FSHR: variants seen among roughly 807,000 people sequenced by gnomAD.
FSHR encodes follicle stimulating hormone receptor, also known as follicle-stimulating hormone receptor.
In FSHR, 46 loss-of-function variants were observed where a neutral mutation model predicts 52.1. The ratio of observed to expected loss-of-function variants is 0.88; its 90% CI spans 0.70 to 1.13. The LOEUF is 1.13. Among genes scored for constraint, FSHR ranks in the 50% most tolerant of loss-of-function variants. The pLI is 0.00. For synonymous variants in FSHR, 399 were observed against 309.6 expected (o/e 1.29, Z -3.03); for missense variants, 964 against 834.6 (o/e 1.16, Z -1.91).
chr2:49,030,294 G>C, intron 2 of FSHR, among the ~76,000 whole-genome samples: 1 of 113,086 alleles, frequency 8.8e-6, no homozygotes, highest in East Asian at 3.1e-4. Flanking sequence ...GTGTGTGTGT[G>C]TGTGTGTGTG....
intron 4 of FSHR, among the ~76,000 whole-genome samples, chr2:48,997,656 C>G (rs1231399245): frequency 6.6e-6 from 1 of 152,086 alleles, no homozygotes; most frequent in Non-Finnish European, 1.5e-5. Context: ...TTTAGGACAA[C>G]TTAGCCCCGT....
intron 8 of FSHR, among the ~76,000 whole-genome samples, chr2:48,974,554 GTTCAGTAAAGCAAATTT>G (rs1339381310): frequency 6.6e-6 from 1 of 152,212 alleles, no homozygotes; most frequent in Non-Finnish European, 1.5e-5. Context: ...GTCACTTAAA[GTTCAGTAAAGCAAATTT>G]TTAAGCAAAA....
intron 2 of FSHR, among the ~76,000 whole-genome samples, chr2:49,025,095 A>C (rs927949778): frequency 3.3e-5 from 5 of 152,210 alleles, no homozygotes; most frequent in African/African-American, 1.2e-4. Flanking sequence ...GTACAATAAA[A>C]CCGTGTTCCT....
intron 1 of FSHR, among the ~76,000 whole-genome samples, chr2:49,072,036 C>G (rs1669756528): frequency 6.6e-6 from 1 of 152,022 alleles, no homozygotes; most frequent in Non-Finnish European, 1.5e-5. Context: ...GGAAACCCCA[C>G]CAAGTCAATA....
intron 2 of FSHR, among the ~76,000 whole-genome samples, chr2:49,067,723 A>T (rs1191742596): frequency 6.6e-6 from 1 of 152,134 alleles, no homozygotes; most frequent in African/African-American, 2.4e-5. Context: ...CTCTTTTCAA[A>T]GGAAATCTTA....
At chr2:49,041,051 A>G (rs1668462543) in intron 2 of FSHR, among the ~76,000 whole-genome samples, 1 of 152,320 alleles carries the variant, frequency 6.6e-6, no homozygotes, top group Non-Finnish European at 1.5e-5. Flanking sequence ...TGCATTTGGA[A>G]TTATTTTCTC....
rs373801437 is a variant in FSHR, at chr2:49,035,212, G to A, written c.225-15052C>T. Among the ~76,000 whole-genome samples the A allele has an allele frequency of 1.4e-4, 21 of 152,332 alleles. No individual in the cohort carries two copies. The South Asian group carries it at 1.7e-3, about 12-fold the overall frequency. Reference sequence around the variant, plus strand: ...GAAGGCAAATCACTGATAATTACAGGAGAGGGACAGGGACAGAAATGTTAA... The same window carrying A: ...GAAGGCAAATCACTGATAATTACAGAAGAGGGACAGGGACAGAAATGTTAA... On this transcript the variant is annotated intron_variant, in intron 2 of 9. Coordinates refer to ENST00000406846, the MANE Select transcript of FSHR (RefSeq NM_000145.4).
intron 2 of FSHR, among the ~76,000 whole-genome samples, chr2:49,046,321 T>C (rs1034604423): frequency 3.3e-5 from 5 of 152,208 alleles, no homozygotes; most frequent in African/African-American, 1.2e-4. Context: ...CTACATCTTA[T>C]ATTATCTGGG....
intron 1 of FSHR, among the ~76,000 whole-genome samples, chr2:49,153,009 C>T (rs1673118013): frequency 1.3e-5 from 2 of 152,196 alleles, no homozygotes; most frequent in Admixed American, 6.5e-5. Flanking sequence ...ACAGTGTAGC[C>T]AAAACACAGA....
At chr2:49,013,501 A>T (rs7422758) in intron 4 of FSHR, among the ~76,000 whole-genome samples, 15 of 65,990 alleles carry the variant, frequency 2.3e-4, no homozygotes, top group South Asian at 1.3e-3. Flanking sequence ...TATATATATA[A>T]ATATATATAT....
chr2:48,993,413 G>T (rs78810765), intron 4 of FSHR, among the ~76,000 whole-genome samples: 1 of 151,946 alleles, frequency 6.6e-6, no homozygotes, highest in East Asian at 1.9e-4. Context: ...TCTTTCTCAC[G>T]TTCCGATATC....
At chr2:49,129,739 T>A (rs1672198797) in intron 1 of FSHR, among the ~76,000 whole-genome samples, 1 of 152,202 alleles carries the variant, frequency 6.6e-6, no homozygotes, top group Non-Finnish European at 1.5e-5. Context: ...TGAGATAATG[T>A]GTTATCTCAA....
chr2:49,025,372 A>G (rs959115534), intron 2 of FSHR, among the ~76,000 whole-genome samples: 3 of 152,180 alleles, frequency 2.0e-5, no homozygotes, highest in African/African-American at 7.2e-5. Context: ...AACTGGTGCT[A>G]TCTGTATTTG....
chr2:49,043,420 A>G (rs1414462675), intron 2 of FSHR, among the ~76,000 whole-genome samples: 2 of 152,228 alleles, frequency 1.3e-5, no homozygotes, highest in Non-Finnish European at 2.9e-5. Flanking sequence ...TTGACTATGT[A>G]ATTAGGCTGA....
intron 2 of FSHR, among the ~76,000 whole-genome samples, chr2:49,030,628 T>G (rs1668070371): frequency 6.6e-6 from 1 of 152,232 alleles, no homozygotes; most frequent in African/African-American, 2.4e-5. Context: ...ACTGATGGTC[T>G]TATTTTATCC....
chr2:48,968,607 T>C (rs1674585940), intron 9 of FSHR, 91 bp downstream of exon 9: 18 of 1,461,032 alleles, frequency 1.2e-5, no homozygotes, highest in Non-Finnish European at 1.5e-5. Context: ...TCTCTGCAAG[T>C]AGATTCTCTT....
rs193023976 is a variant in FSHR, at chr2:49,003,567, G to C, written c.375-12930C>G. On this transcript the variant is annotated intron_variant, in intron 4 of 9. Coordinates refer to ENST00000406846, the MANE Select transcript of FSHR (RefSeq NM_000145.4). ...AATATTCCTGTACCAGGATCTTATCGCCTAAGAATACACGTTATGAAAGAT... is the reference window on the plus strand; with the variant it reads ...AATATTCCTGTACCAGGATCTTATCCCCTAAGAATACACGTTATGAAAGAT... Among the ~76,000 whole-genome samples the C allele has an allele frequency of 7.2e-5, 11 of 152,186 alleles. No individual in the cohort carries two copies. The East Asian group carries it at 2.1e-3, about 29-fold the overall frequency.
In FSHR at chr2:48,997,389, C is replaced by T. The variant is rs970529112; in HGVS notation, c.375-6752G>A. Reference sequence around the variant, plus strand: ...GGAAATTTAAGGAGCTCAAGGGTAACATTTCCTAGAGGAGAGGTCAGTCCT... The same window carrying T: ...GGAAATTTAAGGAGCTCAAGGGTAATATTTCCTAGAGGAGAGGTCAGTCCT... On this transcript the variant is annotated intron_variant, in intron 4 of 9. Coordinates refer to ENST00000406846, the MANE Select transcript of FSHR (RefSeq NM_000145.4). 12 of 984,902 alleles carry T rather than the reference C, an allele frequency of 1.2e-5. No homozygotes were observed. The African/African-American group carries it at 1.9e-4, about 16-fold the overall frequency. 61.0% of individuals were successfully genotyped at this position (984,902 alleles called of 1,614,324 possible).
intron 8 of FSHR, among the ~76,000 whole-genome samples, chr2:48,974,836 C>A (rs1447361622): frequency 6.6e-6 from 1 of 151,854 alleles, no homozygotes; most frequent in East Asian, 1.9e-4. Context: ...CCCTTTTTTG[C>A]TCTGTTCTCC....
Sources: allele counts gnomAD v4.1 joint callset (sites outside exome capture counted in the v4.1 genomes callset), GRCh38; gene constraint gnomAD v4.1.1; transcripts MANE v1.5; gene names NCBI Gene and HGNC (gene_info 2026-07-23, HGNC 2026-07-21).